MARCHF1: variants seen among roughly 807,000 people sequenced by gnomAD.
MARCHF1 encodes the protein E3 ubiquitin-protein ligase MARCHF1.
MARCHF1 carries 40 observed loss-of-function variants against 54.2 expected under a neutral mutation model. The ratio of observed to expected loss-of-function variants is 0.74; its 90% CI spans 0.57 to 0.96. The LOEUF (loss-of-function observed/expected upper bound fraction) is 0.96. Ranked by LOEUF, MARCHF1 falls within the 40% of genes least tolerant of loss-of-function variation. MARCHF1 has a pLI of 0.00. For missense variants in MARCHF1, 586 were observed against 656.5 expected, an observed-to-expected ratio of 0.89 and a Z score of 1.17; for synonymous variants, 236 against 236.3, an observed-to-expected ratio of 1.00 and a Z score of 0.01.
chr4:164,115,230 G>C (rs1328033909), intron 1 of MARCHF1, among the ~76,000 whole-genome samples: 10 of 152,000 alleles, frequency 6.6e-5, no homozygotes, highest in African/African-American at 2.4e-4. Flanking sequence ...ACTTAAGAAT[G>C]AGCAATAATC....
intron 1 of MARCHF1, among the ~76,000 whole-genome samples, chr4:164,350,679 C>A (rs911806219): frequency 1.3e-5 from 2 of 152,178 alleles, no homozygotes; most frequent in Non-Finnish European, 2.9e-5. Flanking sequence ...GCCAATCTAG[C>A]CTCATATACC....
chr4:164,362,823 A>G (rs1408743240), intron 1 of MARCHF1, among the ~76,000 whole-genome samples: 1 of 152,042 alleles, frequency 6.6e-6, no homozygotes, highest in Non-Finnish European at 1.5e-5. Context: ...CTCTGTTCCA[A>G]TTTCTCATTT....
intron 5 of MARCHF1, among the ~76,000 whole-genome samples, chr4:163,624,550 T>G (rs1298482202): frequency 3.9e-5 from 6 of 152,212 alleles, no homozygotes; most frequent in Non-Finnish European, 7.3e-5. Context: ...GTTCTGCTTC[T>G]GTGAGCACAT....
At chr4:164,041,090 G>A (rs190407571) in intron 2 of MARCHF1, among the ~76,000 whole-genome samples, 97 of 152,106 alleles carry the variant, frequency 6.4e-4, no homozygotes, top group Non-Finnish European at 1.2e-3. Context: ...TAACAAAACT[G>A]TTACCACATA....
intron 1 of MARCHF1, among the ~76,000 whole-genome samples, chr4:164,224,441 C>A (rs1265734171): frequency 4.0e-5 from 6 of 151,804 alleles, no homozygotes; most frequent in Non-Finnish European, 7.4e-5. Flanking sequence ...GAATTTAAAT[C>A]TTCTCTTTTT....
intron 1 of MARCHF1, among the ~76,000 whole-genome samples, chr4:164,256,432 T>TAAAAAAAAAAAAAAAGAA (rs1733283659): frequency 8.2e-6 from 1 of 121,860 alleles, no homozygotes. Context: ...ACAAGAAGCT[T>TAAAAAAAAAAAAAAAGAA]AAAAAAAAAA....
intron 7 of MARCHF1, among the ~76,000 whole-genome samples, chr4:163,599,852 C>G (rs1740900441): frequency 1.3e-5 from 2 of 152,304 alleles, no homozygotes; most frequent in South Asian, 4.1e-4. Context: ...TAGGGCTTCC[C>G]CCGCAAAGGG....
intron 4 of MARCHF1, among the ~76,000 whole-genome samples, chr4:163,849,533 G>A (rs950154398): frequency 1.1e-4 from 17 of 152,116 alleles, no homozygotes; most frequent in Non-Finnish European, 1.8e-4. Flanking sequence ...CTGGCTAAAC[G>A]CTTTCAATTT....
At chr4:164,093,430 A>C (rs1241513646) in intron 2 of MARCHF1, among the ~76,000 whole-genome samples, 1 of 152,164 alleles carries the variant, frequency 6.6e-6, no homozygotes, top group Non-Finnish European at 1.5e-5. Flanking sequence ...CATGGACAGA[A>C]GGTTGCAAAT....
intron 1 of MARCHF1, among the ~76,000 whole-genome samples, chr4:164,252,494 C>G (rs912008608): frequency 6.6e-6 from 1 of 152,102 alleles, no homozygotes; most frequent in East Asian, 1.9e-4. Flanking sequence ...CCTCCCTCCC[C>G]ACAGCTGTGC....
chr4:163,955,545 C>G (rs555327191), intron 3 of MARCHF1, among the ~76,000 whole-genome samples: 18 of 152,182 alleles, frequency 1.2e-4, no homozygotes, highest in Admixed American at 1.1e-3. Flanking sequence ...CTGTGCTTCT[C>G]ATGTCTGTGC....
chr4:163,963,140 A>T (rs573568218), intron 3 of MARCHF1, among the ~76,000 whole-genome samples: 7 of 151,892 alleles, frequency 4.6e-5, no homozygotes, highest in Non-Finnish European at 8.8e-5. Context: ...ACAAGATACA[A>T]CTGATTTTTA....
At chr4:163,822,420 T>C (rs928668164) in intron 4 of MARCHF1, among the ~76,000 whole-genome samples, 3 of 151,910 alleles carry the variant, frequency 2.0e-5, no homozygotes, top group East Asian at 3.9e-4. Flanking sequence ...TTTAAGCCAG[T>C]TGTTTAAGGT....
At chr4:163,892,062 CAATTT>C (rs1478357944) in intron 3 of MARCHF1, among the ~76,000 whole-genome samples, 1 of 151,888 alleles carries the variant, frequency 6.6e-6, no homozygotes, top group Non-Finnish European at 1.5e-5. Flanking sequence ...GACATTGTAA[CAATTT>C]AATTTTAAAT....
In MARCHF1 at chr4:164,340,405, T is replaced by TTATATACA. The variant is rs58808830; in HGVS notation, c.-323+43464_-323+43465insTGTATATA. ...ACAGCACATGCCACCAGGCCTTGAT[T>TTATATACA]TATATATAGATATATATATATATAT... On this transcript the variant is annotated intron_variant, in intron 1 of 9. Coordinates refer to ENST00000514618, the MANE Select transcript of MARCHF1 (RefSeq NM_001394959.1). 1.6e-4 allele frequency among the ~76,000 whole-genome samples: 15 copies of TTATATACA among 95,654 alleles called. 1 individual carries two copies. The highest frequency in any genetic ancestry group is 5.0e-4 in the African/African-American group (14 of 27,882). 62.8% of individuals were successfully genotyped at this position (95,654 alleles called of 152,430 possible).
intron 7 of MARCHF1, among the ~76,000 whole-genome samples, chr4:163,606,282 C>A (rs546577241): frequency 6.6e-6 from 1 of 152,146 alleles, no homozygotes; most frequent in South Asian, 2.1e-4. Context: ...ATGTTTTCTG[C>A]AAGTCTACTC....
chr4:163,980,406 T>C (rs1322286613), intron 3 of MARCHF1, among the ~76,000 whole-genome samples: 4 of 145,824 alleles, frequency 2.7e-5, no homozygotes, highest in Non-Finnish European at 4.5e-5. Context: ...CCTAAAACCA[T>C]AAAAACCCTA....
At chr4:163,616,939 G>A (rs538646313) in intron 5 of MARCHF1, among the ~76,000 whole-genome samples, 146 of 152,106 alleles carry the variant, frequency 9.6e-4, no homozygotes, top group Non-Finnish European at 1.6e-3. Flanking sequence ...AAACCAGTTC[G>A]TCAAAGAGAT....
At position 163,933,086 on chromosome 4, in the gene MARCHF1, G is replaced by A. The variant is rs569508511; in HGVS notation, c.-39+55415C>T. ...TTAATAACCCAGAGCTTGCCTGCAC[G>A]CTGGCTAAAACGGCTTTTGATGAGG... On this transcript the variant is annotated intron_variant, in intron 3 of 9. Coordinates refer to ENST00000514618, the MANE Select transcript of MARCHF1 (RefSeq NM_001394959.1). 3.4e-5 allele frequency: 50 copies of A among 1,467,760 alleles called. 1 individual carries two copies. In the South Asian group the frequency reaches 4.8e-4, roughly 14 times the overall value. 90.9% of individuals were successfully genotyped at this position (1,467,760 alleles called of 1,614,324 possible).
Sources: allele counts gnomAD v4.1 joint callset (sites outside exome capture counted in the v4.1 genomes callset), GRCh38; gene constraint gnomAD v4.1.1; transcripts MANE v1.5; gene names NCBI Gene and HGNC (gene_info 2026-07-23, HGNC 2026-07-21).